The following EDEM3 variants were observed in gnomAD, a reference collection of about 807,000 sequenced individuals.
EDEM3 encodes the protein ER degradation-enhancing alpha-mannosidase-like protein 3.
A neutral mutation model predicts 110.2 loss-of-function variants in EDEM3; 60 were observed. The ratio of observed to expected loss-of-function variants is 0.54; its 90% CI spans 0.44 to 0.67. The LOEUF is 0.67. Ranked by LOEUF, EDEM3 falls within the 30% of genes least tolerant of loss-of-function variation. EDEM3 has a pLI of 0.00. For synonymous variants in EDEM3, 352 were observed against 382.9 expected (o/e 0.92, Z 0.94); for missense variants, 996 against 1,121.0 (o/e 0.89, Z 1.59).
In EDEM3 at chr1:184,710,442, C is replaced by T. The variant is rs199800822; in HGVS notation, c.1797G>A (p.Leu599=). Residue 599 remains leucine, a synonymous_variant, in exon 16 of 20, where the codon TTG becomes TTA. Coordinates refer to ENST00000318130, the MANE Select transcript of EDEM3 (RefSeq NM_025191.4). ...LEILKKMGVS[L]IHLKDGRVQL... ...GGACTCTCCCATCTTTGAGGTGAAT[C>T]AAACTCACCCCCATCTTCTTCAGGA... The T allele has an allele frequency of 6.2e-7, 1 of 1,613,956 alleles. No homozygotes were observed. The highest frequency in any genetic ancestry group is 2.2e-5 in the East Asian group (1 of 44,860).
intron 19 of EDEM3, among the ~76,000 whole-genome samples, chr1:184,701,132 G>C (rs1006142871): frequency 5.9e-5 from 9 of 151,888 alleles, no homozygotes; most frequent in Admixed American, 2.6e-4. Context: ...TAATCCTGTA[G>C]TCCTAACCCA....
intron 19 of EDEM3, among the ~76,000 whole-genome samples, chr1:184,697,042 A>G (rs1649368628): frequency 6.6e-6 from 1 of 152,052 alleles, no homozygotes; most frequent in East Asian, 1.9e-4. Context: ...TACTATTAGA[A>G]TTGATAAAAA....
At chr1:184,745,364 T>C (rs1652372552) in intron 2 of EDEM3, among the ~76,000 whole-genome samples, 1 of 152,122 alleles carries the variant, frequency 6.6e-6, no homozygotes, top group Admixed American at 6.6e-5. Context: ...CTTACTCCCA[T>C]TAGTACCATG....
chr1:184,706,029 C>T (rs1216889373), intron 18 of EDEM3, among the ~76,000 whole-genome samples: 1 of 152,070 alleles, frequency 6.6e-6, no homozygotes, highest in Non-Finnish European at 1.5e-5. Context: ...TAGCACTTAT[C>T]CTATGTCTGC....
chr1:184,712,848 T>C (rs762486716), intron 13 of EDEM3, among the ~76,000 whole-genome samples: 11 of 152,132 alleles, frequency 7.2e-5, no homozygotes, highest in Non-Finnish European at 1.3e-4. Context: ...CAGACAAGAT[T>C]TTTCTATAGG....
intron 2 of EDEM3, among the ~76,000 whole-genome samples, chr1:184,744,249 AATAT>A (rs55959890): frequency 0.038 from 3,294 of 87,172 alleles, 71 homozygotes; most frequent in Non-Finnish European, 0.039. Flanking sequence ...ACAAATGACA[AATAT>A]ATATATATAT....
At chr1:184,696,870 T>C (rs1649358140) in intron 19 of EDEM3, among the ~76,000 whole-genome samples, 1 of 151,978 alleles carries the variant, frequency 6.6e-6, no homozygotes, top group Non-Finnish European at 1.5e-5. Flanking sequence ...GTGCTTGTGA[T>C]AAAAAACTCT....
Position 184,702,211 on chromosome 1 carries a change from C to G in EDEM3, c.2389+600G>C, listed in dbSNP as rs147857280. Among the ~76,000 whole-genome samples the G allele has an allele frequency of 6.8e-3, 1,031 of 152,250 alleles. 18 individuals carry two copies. The highest frequency in any genetic ancestry group is 0.024 in the African/African-American group (998 of 41,560). On this transcript the variant is annotated intron_variant, in intron 19 of 19. Coordinates refer to ENST00000318130, the MANE Select transcript of EDEM3 (RefSeq NM_025191.4). ...TTTCAAAGACATTTCAAATTACTAA[C>G]AAACATTTTGGCCTACAGAGGACTA...
At chr1:184,707,471 A>G (rs1284451497) in intron 17 of EDEM3, among the ~76,000 whole-genome samples, 2 of 152,232 alleles carry the variant, frequency 1.3e-5, no homozygotes, top group Non-Finnish European at 2.9e-5. Flanking sequence ...TAGGCACTCA[A>G]TCAACAGTTG....
At chr1:184,750,642 A>G (rs1485016143) in intron 1 of EDEM3, among the ~76,000 whole-genome samples, 1 of 151,474 alleles carries the variant, frequency 6.6e-6, no homozygotes, top group Non-Finnish European at 1.5e-5. Flanking sequence ...CCTCCCGAGT[A>G]GCTGGGATTA....
At chr1:184,749,662 A>T in intron 1 of EDEM3, 70 bp from the exon 2 acceptor site, 1 of 1,259,782 alleles carries the variant, frequency 7.9e-7, no homozygotes, top group Non-Finnish European at 1.1e-6. Context: ...ATTATCTTTC[A>T]AAAAGTTAAT....
chr1:184,705,740 G>A (rs1200841517), intron 18 of EDEM3, among the ~76,000 whole-genome samples: 1 of 152,038 alleles, frequency 6.6e-6, no homozygotes, highest in Non-Finnish European at 1.5e-5. Context: ...GAGAGAAGCT[G>A]TACAAAAGAA....
At chr1:184,701,539 T>C in intron 19 of EDEM3, 1 of 1,281,636 alleles carries the variant, frequency 7.8e-7, no homozygotes, top group Non-Finnish European at 1.0e-6. Context: ...CCTTTTAATA[T>C]TGCTGCTGAA....
At chr1:184,752,093 T>C (rs1049460442) in intron 1 of EDEM3, among the ~76,000 whole-genome samples, 2 of 152,378 alleles carry the variant, frequency 1.3e-5, no homozygotes, top group Middle Eastern at 6.8e-3. Context: ...GCCCACGTGC[T>C]ATAGAAACTG....
chr1:184,722,922 A>G (rs1245411165), intron 8 of EDEM3, among the ~76,000 whole-genome samples: 12 of 151,978 alleles, frequency 7.9e-5, no homozygotes, highest in Admixed American at 7.9e-4. Flanking sequence ...GTTTGTTCAT[A>G]TAACATTGTT....
chr1:184,717,375 C>T (rs1002390421), intron 12 of EDEM3, among the ~76,000 whole-genome samples, 165 bp downstream of exon 12: 1 of 151,900 alleles, frequency 6.6e-6, no homozygotes. Context: ...TCAATTCTTG[C>T]ATCATTCAAT....
intron 13 of EDEM3, among the ~76,000 whole-genome samples, chr1:184,716,410 A>G (rs1318297549): frequency 6.6e-6 from 1 of 152,146 alleles, no homozygotes; most frequent in African/African-American, 2.4e-5. Context: ...ACATCTATCC[A>G]GTGTCTAATG....
At chr1:184,704,383 G>C (rs925057885) in intron 18 of EDEM3, among the ~76,000 whole-genome samples, 2 of 151,808 alleles carry the variant, frequency 1.3e-5, no homozygotes, top group African/African-American at 4.8e-5. Context: ...GGCTGGGTGC[G>C]GTGGCTCATG....
At chr1:184,721,445 A>T (rs1054530802) in intron 8 of EDEM3, 59 bp from the exon 9 acceptor site, 127 of 1,315,224 alleles carry the variant, frequency 9.7e-5, no homozygotes, top group African/African-American at 1.2e-4. Context: ...AAATTTTTTT[A>T]AAAAAATAGC....
Sources: allele counts gnomAD v4.1 joint callset (sites outside exome capture counted in the v4.1 genomes callset), GRCh38; gene constraint gnomAD v4.1.1; transcripts MANE v1.5; gene names NCBI Gene and HGNC (gene_info 2026-07-23, HGNC 2026-07-21).